GPC5: variants seen among roughly 807,000 people sequenced by gnomAD.
The protein encoded by GPC5 is glypican-5.
In GPC5, 47 loss-of-function variants were observed where a neutral mutation model predicts 53.9. The observed-to-expected ratio is 0.87, with a 90% CI of 0.69 to 1.11. The LOEUF (loss-of-function observed/expected upper bound fraction) is 1.11, where lower values mean the gene tolerates loss of function less well. Ranked by LOEUF, GPC5 falls within the 50% of genes most tolerant of loss-of-function variation. The probability of loss-of-function intolerance (pLI) is 0.00; values close to 1 mark genes in which losing one functional copy is unlikely to be tolerated. For synonymous variants in GPC5, 286 were observed against 263.3 expected (o/e 1.09, Z -0.84); for missense variants, 748 against 713.1 (o/e 1.05, Z -0.56).
intron 7 of GPC5, among the ~76,000 whole-genome samples, chr13:92,864,068 T>G (rs1879268849): frequency 6.6e-6 from 1 of 152,208 alleles, no homozygotes; most frequent in Admixed American, 6.5e-5. Flanking sequence ...CTTGGTTAAT[T>G]AAATTTCTTT....
intron 2 of GPC5, among the ~76,000 whole-genome samples, chr13:91,533,684 A>G (rs1344014009): frequency 6.6e-6 from 1 of 152,232 alleles, no homozygotes; most frequent in Non-Finnish European, 1.5e-5. Context: ...GGCCACCGAA[A>G]GGAAGCAAAA....
intron 5 of GPC5, among the ~76,000 whole-genome samples, chr13:91,834,804 C>T (rs1479978915): frequency 6.6e-6 from 1 of 152,068 alleles, no homozygotes; most frequent in Admixed American, 6.6e-5. Flanking sequence ...TAGAAGAAAA[C>T]GTAGGCAATA....
intron 7 of GPC5, among the ~76,000 whole-genome samples, chr13:92,197,966 C>A (rs889058427): frequency 1.3e-5 from 2 of 152,026 alleles, no homozygotes; most frequent in Admixed American, 6.6e-5. Flanking sequence ...TCCCAACATG[C>A]CAAAAAAATC....
At chr13:91,427,516 TGA>T (rs1879144402) in intron 1 of GPC5, among the ~76,000 whole-genome samples, 1 of 152,234 alleles carries the variant, frequency 6.6e-6, no homozygotes, top group African/African-American at 2.4e-5. Context: ...CCATTTGGAA[TGA>T]GAACATTTAC....
chr13:91,651,587 A>G (rs59048158), intron 2 of GPC5, among the ~76,000 whole-genome samples: 9,869 of 152,106 alleles, frequency 0.065, 1,080 homozygotes, highest in African/African-American at 0.22. Flanking sequence ...GTGTGGTGGC[A>G]CATGCCTGTA....
intron 7 of GPC5, among the ~76,000 whole-genome samples, chr13:92,816,872 T>G (rs1877495019): frequency 6.6e-6 from 1 of 151,922 alleles, no homozygotes; most frequent in Non-Finnish European, 1.5e-5. Context: ...CATGTCCAGT[T>G]TCCACAGATA....
chr13:91,874,028 A>G (rs2039176735), intron 5 of GPC5, among the ~76,000 whole-genome samples: 1 of 152,174 alleles, frequency 6.6e-6, no homozygotes, highest in Admixed American at 6.6e-5. Context: ...CTGATCTCCG[A>G]AATGTGAATC....
chr13:92,769,869 T>C (rs1278081644), intron 7 of GPC5, among the ~76,000 whole-genome samples: 3 of 152,202 alleles, frequency 2.0e-5, no homozygotes, highest in Non-Finnish European at 2.9e-5. Flanking sequence ...CTTGTTTATA[T>C]GTTTGTCCTG....
chr13:91,407,512 G>A (rs897775941), intron 1 of GPC5, among the ~76,000 whole-genome samples: 1 of 152,206 alleles, frequency 6.6e-6, no homozygotes, highest in Non-Finnish European at 1.5e-5. Flanking sequence ...AAATAAAGAT[G>A]AGCAGTTATA....
intron 7 of GPC5, among the ~76,000 whole-genome samples, chr13:92,863,779 C>T (rs957808432): frequency 2.0e-5 from 3 of 152,134 alleles, no homozygotes; most frequent in Admixed American, 6.5e-5. Context: ...AGGTGTGAGC[C>T]ACTGCTCTCG....
intron 7 of GPC5, among the ~76,000 whole-genome samples, chr13:92,736,363 C>A (rs1055274264): frequency 1.3e-5 from 2 of 151,958 alleles, no homozygotes; most frequent in African/African-American, 4.8e-5. Flanking sequence ...CTAGAGTTCT[C>A]TTTTATTGTA....
intron 2 of GPC5, among the ~76,000 whole-genome samples, chr13:91,634,794 G>GTT (rs921624884): frequency 6.6e-6 from 1 of 151,942 alleles, no homozygotes; most frequent in Admixed American, 6.6e-5. Flanking sequence ...AGATTACATT[G>GTT]TTAAAAAAAA....
chr13:92,439,313 T>G lies in GPC5; in HGVS notation c.1561+294324T>G, dbSNP rs138158043. 5.4e-3 allele frequency among the ~76,000 whole-genome samples: 821 copies of G among 152,270 alleles called. 8 individuals are homozygous for G. The highest frequency in any genetic ancestry group is 0.019 in the African/African-American group (789 of 41,556). On this transcript the variant is annotated intron_variant, in intron 7 of 7. Coordinates refer to ENST00000377067, the MANE Select transcript of GPC5 (RefSeq NM_004466.6). ...ATTTTCAAATGCTATAGAAAAGTCC[T>G]ATAAAAGAGGATTATTAAGTGGAAT...
chr13:92,401,177 AT>A lies in GPC5; in HGVS notation c.1561+256202del, dbSNP rs76161192. On this transcript the variant is annotated intron_variant, in intron 7 of 7. Coordinates refer to ENST00000377067, the MANE Select transcript of GPC5 (RefSeq NM_004466.6). ...CTAATTCTTCTTTGCCTAGCCATCTATTTTTTTTTTTTTTAGGAAATTGAAG... is the reference window on the plus strand; with the variant it reads ...CTAATTCTTCTTTGCCTAGCCATCTATTTTTTTTTTTTTAGGAAATTGAAG... 3.6e-3 allele frequency among the ~76,000 whole-genome samples: 512 copies of A among 140,550 alleles called. 1 individual carries two copies. Among genetic ancestry groups the A allele is most frequent in the South Asian group, 6.1e-3 (27 of 4,430 alleles). 92.2% of individuals were successfully genotyped at this position (140,550 alleles called of 152,430 possible).
chr13:92,209,594 T>G (rs529422871), intron 7 of GPC5, among the ~76,000 whole-genome samples: 72 of 152,310 alleles, frequency 4.7e-4, no homozygotes, highest in African/African-American at 1.7e-3. Flanking sequence ...CTGTGAGTTG[T>G]TTAATCACAG....
At chr13:92,152,720 CAG>C (rs1429336767) in intron 7 of GPC5, among the ~76,000 whole-genome samples, 1 of 127,740 alleles carries the variant, frequency 7.8e-6, no homozygotes, top group African/African-American at 3.0e-5. Flanking sequence ...GCCTGGGCGA[CAG>C]AGTGAGACTC....
chr13:92,510,888 T>C (rs192776519), intron 7 of GPC5, among the ~76,000 whole-genome samples: 5 of 152,326 alleles, frequency 3.3e-5, no homozygotes. Flanking sequence ...TTGCAACTTG[T>C]CTGAGGCTCA....
rs1444861152 is a variant in GPC5, at chr13:92,398,096, C to G, written c.1561+253107C>G. ...CCATATTTTGATATGTGTTCTACAA[C>G]GTGGCCTGATGCAAGAATCAGAAAA... On this transcript the variant is annotated intron_variant, in intron 7 of 7. Transcript: ENST00000377067. Among the ~76,000 whole-genome samples the G allele has an allele frequency of 5.3e-5, 8 of 152,134 alleles. No individual in the cohort carries two copies. The East Asian group carries it at 7.8e-4, about 15-fold the overall frequency.
chr13:92,303,220 T>A (rs921287326), intron 7 of GPC5, among the ~76,000 whole-genome samples: 5 of 151,932 alleles, frequency 3.3e-5, no homozygotes, highest in Non-Finnish European at 7.4e-5. Context: ...TGGGCTCAGG[T>A]TCAATGATCC....
Sources: allele counts gnomAD v4.1 joint callset (sites outside exome capture counted in the v4.1 genomes callset), GRCh38; gene constraint gnomAD v4.1.1; transcripts MANE v1.5; gene names NCBI Gene and HGNC (gene_info 2026-07-23, HGNC 2026-07-21).